Variants in OR9Q1 observed in about 807,000 individuals in gnomAD.
The protein encoded by OR9Q1 is olfactory receptor family 9 subfamily Q member 1.
For missense variants in OR9Q1, 374 were observed against 378.8 expected (o/e 0.99, Z 0.11); for synonymous variants, 153 against 148.6 (o/e 1.03, Z -0.22).
At chr11:58,029,971 A>G (rs940945896) in intron 1 of OR9Q1, among the ~76,000 whole-genome samples, 3 of 151,784 alleles carry the variant, frequency 2.0e-5, no homozygotes, top group African/African-American at 7.3e-5. Flanking sequence ...CCTCTTGAGT[A>G]GCTGGGATTA....
intron 2 of OR9Q1, among the ~76,000 whole-genome samples, chr11:58,071,332 A>T (rs1853485761): frequency 6.6e-6 from 1 of 152,116 alleles, no homozygotes; most frequent in South Asian, 2.1e-4. Context: ...TACTAAAAAT[A>T]CAAAAATTAG....
At chr11:58,098,620 C>T (rs1400536749) in intron 2 of OR9Q1, among the ~76,000 whole-genome samples, 1 of 151,998 alleles carries the variant, frequency 6.6e-6, no homozygotes, top group Non-Finnish European at 1.5e-5. Flanking sequence ...GGCGACAGAG[C>T]GAGACTCCGT....
At chr11:58,111,883 T>G (rs1262358481) in intron 2 of OR9Q1, among the ~76,000 whole-genome samples, 1 of 3,834 alleles carries the variant, frequency 2.6e-4, no homozygotes, top group Non-Finnish European at 2.5e-3. Context: ...CGAGTCCTTT[T>G]TGGGGGGGGT....
intron 2 of OR9Q1, among the ~76,000 whole-genome samples, chr11:58,152,877 C>T (rs1854367771): frequency 6.6e-6 from 1 of 152,116 alleles, no homozygotes; most frequent in Admixed American, 6.5e-5. Flanking sequence ...ATTTTGCACG[C>T]ATGACAGTGC....
chr11:58,072,219 T>A (rs769211961), intron 2 of OR9Q1, among the ~76,000 whole-genome samples: 37 of 152,194 alleles, frequency 2.4e-4, no homozygotes, highest in Non-Finnish European at 4.1e-4. Flanking sequence ...AAAGACAACT[T>A]TAAAAGAATT....
At chr11:58,178,509 G>A (rs978528046) in intron 2 of OR9Q1, among the ~76,000 whole-genome samples, 3 of 152,174 alleles carry the variant, frequency 2.0e-5, no homozygotes, top group Non-Finnish European at 4.4e-5. Context: ...AGAATAATTA[G>A]TTCCACGGAT....
chr11:58,071,895 A>G (rs980376663), intron 2 of OR9Q1, among the ~76,000 whole-genome samples: 1 of 152,154 alleles, frequency 6.6e-6, no homozygotes, highest in Non-Finnish European at 1.5e-5. Flanking sequence ...AAATGTCAAC[A>G]ATATTAATTT....
intron 2 of OR9Q1, among the ~76,000 whole-genome samples, chr11:58,142,931 G>A (rs1854264486): frequency 6.6e-6 from 1 of 152,162 alleles, no homozygotes; most frequent in African/African-American, 2.4e-5. Context: ...TTGGAAACCA[G>A]GCCATGTTGC....
chr11:58,178,816 T>A (rs1475983099), intron 2 of OR9Q1, among the ~76,000 whole-genome samples: 1 of 150,674 alleles, frequency 6.6e-6, no homozygotes, highest in African/African-American at 2.4e-5. Context: ...ACTTCGTTGA[T>A]GGCAGGAGCT....
chr11:58,086,455 TC>T (rs1853634896), intron 2 of OR9Q1, among the ~76,000 whole-genome samples: 1 of 151,844 alleles, frequency 6.6e-6, no homozygotes, highest in Non-Finnish European at 1.5e-5. Context: ...CAGAAGTTTC[TC>T]AGAAAATGAA....
At chr11:58,087,161 A>G (rs1352469302) in intron 2 of OR9Q1, among the ~76,000 whole-genome samples, 2 of 151,794 alleles carry the variant, frequency 1.3e-5, no homozygotes, top group African/African-American at 2.4e-5. Flanking sequence ...AGACTATCAG[A>G]CAAGAAAAAT....
chr11:58,087,324 T>C (rs1302055164), intron 2 of OR9Q1, among the ~76,000 whole-genome samples: 4 of 151,776 alleles, frequency 2.6e-5, no homozygotes, highest in Admixed American at 6.6e-5. Flanking sequence ...CCAATACTAA[T>C]AGCATTGATT....
chr11:58,037,689 A>ATATT (rs1853119570), intron 1 of OR9Q1, among the ~76,000 whole-genome samples: 1 of 6,998 alleles, frequency 1.4e-4, no homozygotes, highest in African/African-American at 4.3e-4. Context: ...ATATATATAT[A>ATATT]TTTTTTTTTT....
At chr11:58,105,031 A>T (rs1853826678) in intron 2 of OR9Q1, among the ~76,000 whole-genome samples, 2 of 152,068 alleles carry the variant, frequency 1.3e-5, no homozygotes, top group African/African-American at 4.8e-5. Context: ...TTCAAGTAGG[A>T]AATATTGTTC....
At chr11:58,142,313 C>T (rs189826453) in intron 2 of OR9Q1, among the ~76,000 whole-genome samples, 1 of 151,918 alleles carries the variant, frequency 6.6e-6, no homozygotes, top group African/African-American at 2.4e-5. Context: ...TAGAAAAGTG[C>T]CTGCTACATA....
At chr11:58,120,803 C>CATATATAATATAT (rs1854022346) in intron 2 of OR9Q1, among the ~76,000 whole-genome samples, 1 of 132,684 alleles carries the variant, frequency 7.5e-6, no homozygotes, top group African/African-American at 2.9e-5. Flanking sequence ...ATTTCAATAC[C>CATATATAATATAT]ATATATATAT....
chr11:58,046,922 G>C (rs948209588), intron 1 of OR9Q1, among the ~76,000 whole-genome samples: 1 of 152,118 alleles, frequency 6.6e-6, no homozygotes, highest in Non-Finnish European at 1.5e-5. Flanking sequence ...TTAGGGGTCT[G>C]GGAAAGGACT....
Position 58,134,550 on chromosome 11 carries a change from G to A in OR9Q1, c.-14-44881G>A, listed in dbSNP as rs141006043. The stretch of plus-strand genomic sequence containing the variant: ...GTCTACTGCATAGTTAGTCTTGAGA[G>A]CAGATGGGTCAGAGTGAGAAGGCAC... On this transcript the variant is annotated intron_variant, in intron 2 of 2. Coordinates refer to ENST00000335397, the MANE Select transcript of OR9Q1 (RefSeq NM_001005212.4). 5.3e-4 allele frequency among the ~76,000 whole-genome samples: 80 copies of A among 152,334 alleles called. No homozygotes were observed. The East Asian group carries it at 8.9e-3, about 17-fold the overall frequency.
At chr11:58,168,153 A>G (rs976331816) in intron 2 of OR9Q1, among the ~76,000 whole-genome samples, 1 of 152,206 alleles carries the variant, frequency 6.6e-6, no homozygotes, top group Admixed American at 6.5e-5. Flanking sequence ...AGATTTGTCA[A>G]ATCTTAACAT....
Sources: allele counts gnomAD v4.1 joint callset (sites outside exome capture counted in the v4.1 genomes callset), GRCh38; gene constraint gnomAD v4.1.1; transcripts MANE v1.5; gene names NCBI Gene and HGNC (gene_info 2026-07-23, HGNC 2026-07-21).